The following RPN2 variants were observed in gnomAD, a reference collection of about 807,000 sequenced individuals.
The protein encoded by RPN2 is dolichyl-diphosphooligosaccharide--protein glycosyltransferase subunit 2.
RPN2 carries 29 observed loss-of-function variants against 71.4 expected under a neutral mutation model. That is an observed-to-expected ratio of 0.41 (90% CI 0.30 to 0.55). The LOEUF (loss-of-function observed/expected upper bound fraction) is 0.55, where lower values mean the gene tolerates loss of function less well. RPN2 is among the 20% of genes least tolerant of loss of function. The pLI is 0.35. For synonymous variants in RPN2, 308 were observed against 305.0 expected (o/e 1.01, Z -0.10); for missense variants, 726 against 774.1 (o/e 0.94, Z 0.74).
chr20:37,238,575 C>T (rs996692049), intron 16 of RPN2: 1 of 749,208 alleles, frequency 1.3e-6, no homozygotes, highest in East Asian at 2.6e-5. Flanking sequence ...TAAGCCACAG[C>T]TGAATTCTGA....
At chr20:37,237,446 C>T (rs188172277) in intron 16 of RPN2, among the ~76,000 whole-genome samples, 2 of 152,276 alleles carry the variant, frequency 1.3e-5, no homozygotes, top group African/African-American at 2.4e-5. Context: ...TCAGATGTGC[C>T]GCTTTCTTCT....
chr20:37,198,498 T>A lies in RPN2; in HGVS notation c.303+6T>A, dbSNP rs778791232. On this transcript the variant is annotated splice_donor_region_variant and intron_variant, in intron 3 of 16. Coordinates refer to ENST00000237530, the MANE Select transcript of RPN2 (RefSeq NM_002951.5). Reference sequence around the variant, plus strand: ...AGGCCCTCTCAGGATGTGAGGTGAGTCCGGGTTCCTACGCTGACAATGACT... The same window carrying A: ...AGGCCCTCTCAGGATGTGAGGTGAGACCGGGTTCCTACGCTGACAATGACT... The A allele has an allele frequency of 3.7e-6, 6 of 1,614,080 alleles. No individual in the cohort carries two copies. The highest frequency in any genetic ancestry group is 5.1e-6 in the Non-Finnish European group (6 of 1,180,024).
At chr20:37,179,506 C>G (rs888901039) in intron 1 of RPN2, 137 bp downstream of exon 1, 8 of 1,312,040 alleles carry the variant, frequency 6.1e-6, no homozygotes, top group Non-Finnish European at 7.8e-6. Context: ...CTGGGGCGCT[C>G]TCGGATCGAG....
At chr20:37,211,637 A>C (rs1259226197) in intron 8 of RPN2, among the ~76,000 whole-genome samples, 2 of 96,204 alleles carry the variant, frequency 2.1e-5, no homozygotes, top group African/African-American at 7.7e-5. Context: ...GCGAGGCTCC[A>C]TCTCTATTAA....
intron 9 of RPN2, among the ~76,000 whole-genome samples, chr20:37,215,927 T>A (rs2146631574): frequency 6.6e-6 from 1 of 152,326 alleles, no homozygotes; most frequent in Non-Finnish European, 1.5e-5. Flanking sequence ...GTTAGTCTTA[T>A]TACTGATTTT....
chr20:37,217,060 A>T (rs1001537505), intron 9 of RPN2, among the ~76,000 whole-genome samples: 5 of 151,564 alleles, frequency 3.3e-5, no homozygotes, highest in Non-Finnish European at 7.4e-5. Context: ...CCTCTCAGGT[A>T]GCTGGGACTA....
At chr20:37,199,813 A>C (rs144979163) in intron 4 of RPN2, among the ~76,000 whole-genome samples, 95 of 152,240 alleles carry the variant, frequency 6.2e-4, no homozygotes, top group African/African-American at 2.2e-3. Flanking sequence ...CTAAGCTCTT[A>C]AGTGATAATA....
chr20:37,191,387 A>T (rs952859869), intron 2 of RPN2, among the ~76,000 whole-genome samples: 2 of 150,894 alleles, frequency 1.3e-5, no homozygotes, highest in African/African-American at 4.9e-5. Context: ...GAGGCAGGAG[A>T]ATTGCTTGAA....
intron 8 of RPN2, among the ~76,000 whole-genome samples, chr20:37,213,444 C>G (rs2067725825): frequency 6.6e-6 from 1 of 152,088 alleles, no homozygotes; most frequent in African/African-American, 2.4e-5. Context: ...GCAAAATTAT[C>G]TGGACGTGAT....
At chr20:37,179,472 CAG>C (rs2066782871) in intron 1 of RPN2, 103 bp downstream of exon 1, 1 of 1,414,896 alleles carries the variant, frequency 7.1e-7, no homozygotes, top group African/African-American at 1.5e-5. Flanking sequence ...CCCTGCGGGA[CAG>C]GGGCATGGGC....
chr20:37,204,937 AG>A (rs765444228), intron 6 of RPN2, 36 bp downstream of exon 6: 30 of 1,613,838 alleles, frequency 1.9e-5, no homozygotes, highest in Non-Finnish European at 8.5e-7. Flanking sequence ...TGAAACCCAA[AG>A]GGGTCATCAG....
At chr20:37,208,449 G>T (rs6104063) in intron 7 of RPN2, among the ~76,000 whole-genome samples, 6,929 of 152,044 alleles carry the variant, frequency 0.046, 444 homozygotes, top group African/African-American at 0.14. Flanking sequence ...TCGCTATGTC[G>T]CGCAGGCTGG....
chr20:37,235,016 G>A (rs2068347946), intron 15 of RPN2, among the ~76,000 whole-genome samples: 1 of 152,148 alleles, frequency 6.6e-6, no homozygotes, highest in African/African-American at 2.4e-5. Flanking sequence ...GCCTCTTTCA[G>A]GAGTCACTAT....
intron 16 of RPN2, among the ~76,000 whole-genome samples, chr20:37,237,298 A>G (rs748817968): frequency 6.6e-6 from 1 of 152,196 alleles, no homozygotes; most frequent in African/African-American, 2.4e-5. Flanking sequence ...TGGCAGCTTG[A>G]CTTTCTAAAC....
At chr20:37,208,071 A>T (rs1417213126) in intron 7 of RPN2, among the ~76,000 whole-genome samples, 1 of 152,004 alleles carries the variant, frequency 6.6e-6, no homozygotes. Context: ...AGAGATTGAG[A>T]CCATCCTGGC....
intron 1 of RPN2, among the ~76,000 whole-genome samples, chr20:37,182,563 G>A (rs995276810): frequency 6.6e-5 from 10 of 151,866 alleles, no homozygotes; most frequent in African/African-American, 2.4e-4. Flanking sequence ...GCTAATTTTT[G>A]TATTTTCTTT....
chr20:37,241,259 C>T, intron 16 of RPN2, 44 bp from the exon 17 acceptor site: 4 of 1,610,140 alleles, frequency 2.5e-6, no homozygotes, highest in Non-Finnish European at 3.4e-6. Context: ...TAACTGTGAA[C>T]TGAAACCTTC....
At position 37,184,478 on chromosome 20, in the gene RPN2, A is replaced by G. The variant is rs1350314900; in HGVS notation, c.207+105A>G. On this transcript the variant is annotated intron_variant, in intron 2 of 16. Coordinates refer to ENST00000237530, the MANE Select transcript of RPN2 (RefSeq NM_002951.5). ...AAAACTAACTCTTGCTCATTTGAGG[A>G]TAACCAAGGTTAATCCAATATAAGA... 5 of 1,021,548 alleles carry G rather than the reference A, an allele frequency of 4.9e-6. No homozygotes were observed. In the South Asian group the frequency reaches 5.4e-5, roughly 11 times the overall value. 63.3% of individuals were successfully genotyped at this position (1,021,548 alleles called of 1,614,324 possible).
chr20:37,238,721 T>C (rs982293543), intron 16 of RPN2: 17 of 696,600 alleles, frequency 2.4e-5, no homozygotes, highest in Non-Finnish European at 4.5e-5. Flanking sequence ...CATTCTCCCT[T>C]ATATCCCGTG....
Sources: gnomAD v4.1 joint callset for allele counts (sites outside exome capture counted in the v4.1 genomes callset) on GRCh38, gnomAD v4.1.1 for gene constraint, MANE v1.5 for transcripts, NCBI Gene and HGNC (gene_info 2026-07-23, HGNC 2026-07-21) for gene names.